The following CSPP1 variants were observed in gnomAD, a reference collection of about 807,000 sequenced individuals.
CSPP1 encodes the protein centrosome and spindle pole associated protein 1, also known as centrosome and spindle pole-associated protein 1.
CSPP1 carries 126 observed loss-of-function variants against 164.4 expected under a neutral mutation model. The observed-to-expected ratio is 0.77, with a 90% CI of 0.66 to 0.89. The LOEUF (loss-of-function observed/expected upper bound fraction) is 0.89, where lower values mean the gene tolerates loss of function less well. CSPP1 is among the 40% of genes least tolerant of loss of function. The probability of loss-of-function intolerance (pLI) is 0.00; values close to 1 mark genes in which losing one functional copy is unlikely to be tolerated. For synonymous variants in CSPP1, 472 were observed against 476.7 expected (o/e 0.99, Z 0.13); for missense variants, 1,395 against 1,449.8 (o/e 0.96, Z 0.61).
chr8:67,093,772 A>T, intron 6 of CSPP1, 131 bp downstream of exon 6: 1 of 502,140 alleles, frequency 2.0e-6, no homozygotes, highest in Non-Finnish European at 3.5e-6. Flanking sequence ...GCCAAATTAA[A>T]CCAAACACAG....
intron 8 of CSPP1, among the ~76,000 whole-genome samples, chr8:67,105,125 A>G (rs1428449492): frequency 2.0e-5 from 3 of 147,416 alleles, no homozygotes; most frequent in Non-Finnish European, 4.5e-5. Context: ...TTCCAGGTTC[A>G]AGTGATTCTC....
intron 15 of CSPP1, among the ~76,000 whole-genome samples, chr8:67,127,568 T>G (rs1820344293): frequency 6.6e-6 from 1 of 152,226 alleles, no homozygotes. Flanking sequence ...CACAATTCAG[T>G]ACATGGCACC....
At chr8:67,121,320 T>C (rs1818927993) in intron 15 of CSPP1, among the ~76,000 whole-genome samples, 1 of 152,218 alleles carries the variant, frequency 6.6e-6, no homozygotes, top group African/African-American at 2.4e-5. Flanking sequence ...GTTTTTCATA[T>C]ATATAGCTTT....
At chr8:67,100,189 A>T (rs549455783) in intron 7 of CSPP1, among the ~76,000 whole-genome samples, 1 of 152,126 alleles carries the variant, frequency 6.6e-6, no homozygotes, top group African/African-American at 2.4e-5. Flanking sequence ...AACATCTTTC[A>T]TATGTGCTGC....
At chr8:67,141,309 C>G (rs543483906) in intron 17 of CSPP1, among the ~76,000 whole-genome samples, 1 of 152,146 alleles carries the variant, frequency 6.6e-6, no homozygotes, top group East Asian at 1.9e-4. Flanking sequence ...TTTAGAATTG[C>G]GTGACCTAAT....
At chr8:67,093,753 CA>C in intron 6 of CSPP1, 112 bp downstream of exon 6, 1 of 560,684 alleles carries the variant, frequency 1.8e-6, no homozygotes, top group South Asian at 3.7e-5. Flanking sequence ...TAAATACTTG[CA>C]AAATTAAGCC....
intron 26 of CSPP1, 130 bp downstream of exon 26, chr8:67,175,566 G>T: frequency 3.7e-6 from 4 of 1,075,426 alleles, no homozygotes; most frequent in Non-Finnish European, 5.6e-6. Flanking sequence ...CACAGGGTCC[G>T]TTTGGTCTGT....
intron 1 of CSPP1, among the ~76,000 whole-genome samples, chr8:67,070,098 T>G (rs1806412547): frequency 6.6e-6 from 1 of 152,186 alleles, no homozygotes; most frequent in South Asian, 2.1e-4. Flanking sequence ...GTTTTAAACA[T>G]GAAAACTTGT....
intron 17 of CSPP1, among the ~76,000 whole-genome samples, chr8:67,147,519 A>G (rs1358812459): frequency 6.6e-5 from 10 of 151,866 alleles, no homozygotes; most frequent in African/African-American, 9.7e-5. Flanking sequence ...CTTATTGGCT[A>G]TTTTTCCATA....
chr8:67,140,024 G>T (rs969898225), intron 17 of CSPP1, among the ~76,000 whole-genome samples: 3 of 152,026 alleles, frequency 2.0e-5, no homozygotes, highest in South Asian at 2.1e-4. Context: ...TTATGCCTTT[G>T]CTTGTTAAAT....
chr8:67,071,560 C>T (rs1244374851), intron 1 of CSPP1, among the ~76,000 whole-genome samples: 4 of 152,080 alleles, frequency 2.6e-5, no homozygotes, highest in African/African-American at 4.8e-5. Flanking sequence ...AATTTCTAAC[C>T]GTCTACTGTA....
chr8:67,157,139 T>C (rs1488347062), intron 19 of CSPP1, among the ~76,000 whole-genome samples: 3 of 152,208 alleles, frequency 2.0e-5, no homozygotes, highest in African/African-American at 7.2e-5. Context: ...ATAAATGATG[T>C]TTTCTTTAGG....
In CSPP1 at chr8:67,064,514, G is replaced by T. The variant is rs1805098750; in HGVS notation, c.-35G>T. ...TCCCCTGAGTAAGAGTCAGCCAGCC[G>T]CGGATGGGGAGCGTGAGTGGCGAGG... On this transcript the variant is annotated 5_prime_UTR_variant, in exon 1 of 31. Coordinates refer to ENST00000678616, the MANE Select transcript of CSPP1 (RefSeq NM_001382391.1). 6.2e-7 allele frequency: 1 copy of T among 1,612,776 alleles called. No homozygotes were observed. The highest frequency in any genetic ancestry group is 1.3e-5 in the African/African-American group (1 of 74,920).
At chr8:67,108,959 T>C (rs1366010354) in intron 9 of CSPP1, among the ~76,000 whole-genome samples, 1 of 152,254 alleles carries the variant, frequency 6.6e-6, no homozygotes, top group Admixed American at 6.5e-5. Flanking sequence ...GGCCATGTTT[T>C]GTGCCTGAAT....
rs776405087 is a variant in CSPP1, at chr8:67,175,455, T to C, written c.3109+19T>C. 6.2e-7 allele frequency: 1 copy of C among 1,613,850 alleles called. No homozygotes were observed. The highest frequency in any genetic ancestry group is 8.5e-7 in the Non-Finnish European group (1 of 1,179,770). ...GCCAAAGGTAAGAAATAATCATTGC[T>C]GTGTCAAATAGTATCAGCACGCTGT... is the stretch of plus-strand genomic sequence containing the variant. On this transcript the variant is annotated intron_variant, in intron 26 of 30. Transcript: ENST00000678616.
At chr8:67,128,509 A>C (rs946105958) in intron 15 of CSPP1, among the ~76,000 whole-genome samples, 2 of 150,382 alleles carry the variant, frequency 1.3e-5, no homozygotes, top group East Asian at 3.9e-4. Context: ...ACTGAACTCC[A>C]GCTTGGGCGA....
At chr8:67,184,966 A>T (rs1287311828) in intron 28 of CSPP1, among the ~76,000 whole-genome samples, 2 of 144,096 alleles carry the variant, frequency 1.4e-5, no homozygotes, top group Non-Finnish European at 3.0e-5. Context: ...AAAAAAAAAA[A>T]GGTGGTGGGC....
chr8:67,179,128 T>C (rs1337249172), intron 27 of CSPP1, among the ~76,000 whole-genome samples: 1 of 152,056 alleles, frequency 6.6e-6, no homozygotes. Context: ...GGAGGTGGAG[T>C]TGGATGACTT....
intron 28 of CSPP1, among the ~76,000 whole-genome samples, chr8:67,186,590 A>G (rs1834675599): frequency 6.6e-6 from 1 of 152,212 alleles, no homozygotes; most frequent in Admixed American, 6.5e-5. Flanking sequence ...CATCATAATG[A>G]TGAGAAACTA....
Sources: gnomAD v4.1 joint callset for allele counts (sites outside exome capture counted in the v4.1 genomes callset) on GRCh38, gnomAD v4.1.1 for gene constraint, MANE v1.5 for transcripts, NCBI Gene and HGNC (gene_info 2026-07-23, HGNC 2026-07-21) for gene names.